The following HAVCR2 variants were observed in gnomAD, a reference collection of about 807,000 sequenced individuals.
HAVCR2 encodes hepatitis A virus cellular receptor 2.
In HAVCR2, 13 loss-of-function variants were observed where a neutral mutation model predicts 24.7. The ratio of observed to expected loss-of-function variants is 0.53; its 90% CI spans 0.34 to 0.84. The LOEUF is 0.84. Among genes scored for constraint, HAVCR2 ranks in the 40% least tolerant of loss-of-function variants. The pLI is 0.01. For missense variants in HAVCR2, 343 were observed against 371.2 expected (o/e 0.92, Z 0.62); for synonymous variants, 154 against 143.4 (o/e 1.07, Z -0.53).
At position 157,086,785 on chromosome 5, in the gene HAVCR2, T is replaced by G. The variant is rs1756919459; in HGVS notation, c.*317A>C. ...TATCTGAAGTTTCATGGACATATGA[T>G]GTGCCCGAATTTCCTGGAGCTCCAG... On this transcript the variant is annotated 3_prime_UTR_variant, in exon 7 of 7. Transcript: ENST00000307851. 1 of 265,526 alleles carries G rather than the reference T, an allele frequency of 3.8e-6. No homozygotes were observed. The highest frequency in any genetic ancestry group is 7.0e-6 in the Non-Finnish European group (1 of 142,684). 16.4% of individuals were successfully genotyped at this position (265,526 alleles called of 1,614,324 possible). A position where few individuals can be genotyped will look rare whatever the true frequency, so the allele number is the denominator to read the frequency against.
intron 3 of HAVCR2, among the ~76,000 whole-genome samples, chr5:157,100,006 T>G (rs1273537392): frequency 6.6e-6 from 1 of 152,144 alleles, no homozygotes; most frequent in African/African-American, 2.4e-5. Context: ...CAGCCTCCAT[T>G]TTCTTAAATA....
intron 6 of HAVCR2, among the ~76,000 whole-genome samples, chr5:157,087,845 G>A (rs975778883): frequency 1.8e-4 from 27 of 150,768 alleles, no homozygotes; most frequent in Middle Eastern, 3.4e-3. Flanking sequence ...AGAGGTTATA[G>A]TGAGCCGAGG....
chr5:157,103,395 T>C (rs1757199300), intron 3 of HAVCR2, among the ~76,000 whole-genome samples: 1 of 150,104 alleles, frequency 6.7e-6, no homozygotes, highest in African/African-American at 2.4e-5. Context: ...AAAAAAGTAC[T>C]GAAGCACAGG....
At chr5:157,105,426 T>C (rs532427287) in intron 2 of HAVCR2, among the ~76,000 whole-genome samples, 1 of 152,304 alleles carries the variant, frequency 6.6e-6, no homozygotes, top group East Asian at 1.9e-4. Context: ...GCTTTTCCTT[T>C]GAATGTCATG....
chr5:157,087,642 A>G (rs535077900), intron 6 of HAVCR2, among the ~76,000 whole-genome samples: 297 of 152,226 alleles, frequency 2.0e-3, no homozygotes, highest in African/African-American at 6.8e-3. Flanking sequence ...GCCGTGGCTC[A>G]CGCCTGTAAT....
chr5:157,103,947 C>T (rs949705780), intron 3 of HAVCR2, among the ~76,000 whole-genome samples: 1 of 152,052 alleles, frequency 6.6e-6, no homozygotes, highest in Non-Finnish European at 1.5e-5. Flanking sequence ...TTGGGATAAA[C>T]GTTTTAGACA....
rs1756922585 is a variant in HAVCR2, at chr5:157,087,023, C to T, written c.*79G>A. On this transcript the variant is annotated 3_prime_UTR_variant, in exon 7 of 7. Coordinates refer to ENST00000307851, the MANE Select transcript of HAVCR2 (RefSeq NM_032782.5). ...TCTGCTCCATAGCAGTGGACAGAAC[C>T]TCCAAAACCAGTCAGGTGACACAGC... The T allele has an allele frequency of 3.0e-6, 4 of 1,329,318 alleles. No homozygotes were observed. The highest frequency in any genetic ancestry group is 2.9e-5 in the African/African-American group (2 of 67,926). The allele number at this position is 1,329,318 out of a possible 1,614,324, so 82.3% of individuals were successfully genotyped here.
At chr5:157,093,953 T>G (rs1231760400) in intron 5 of HAVCR2, among the ~76,000 whole-genome samples, 4 of 151,926 alleles carry the variant, frequency 2.6e-5, no homozygotes, top group African/African-American at 4.8e-5. Context: ...TGCGAGGTTT[T>G]GGGGGTACTG....
intron 3 of HAVCR2, among the ~76,000 whole-genome samples, chr5:157,100,233 G>A (rs1757149700): frequency 6.6e-6 from 1 of 152,148 alleles, no homozygotes; most frequent in Admixed American, 6.5e-5. Context: ...GAAAATTAGG[G>A]AAGTGAAGTG....
intron 5 of HAVCR2, among the ~76,000 whole-genome samples, chr5:157,094,650 T>C (rs1757065996): frequency 6.6e-6 from 1 of 151,884 alleles, no homozygotes; most frequent in Non-Finnish European, 1.5e-5. Flanking sequence ...CCCAAAGTGC[T>C]GGGATTACAG....
chr5:157,086,894 A>G lies in HAVCR2; in HGVS notation c.*208T>C. 1.9e-6 allele frequency: 1 copy of G among 527,190 alleles called. No homozygotes were observed. Among genetic ancestry groups the G allele is most frequent in the Non-Finnish European group, 3.3e-6 (1 of 303,048 alleles). The allele number at this position is 527,190 out of a possible 1,614,324, so 32.7% of individuals were successfully genotyped here. On this transcript the variant is annotated 3_prime_UTR_variant, in exon 7 of 7. Transcript: ENST00000307851. ...TGATTAACAGTCTCTGGGTTGGGTAACTCTGTTGGCTTAAATACAGAGGCA... is the reference window on the plus strand; with the variant it reads ...TGATTAACAGTCTCTGGGTTGGGTAGCTCTGTTGGCTTAAATACAGAGGCA...
chr5:157,087,136 G>A lies in HAVCR2; in HGVS notation c.872C>T (p.Ser291Leu). 1 of 1,614,028 alleles carries A rather than the reference G, an allele frequency of 6.2e-7. No homozygotes were observed. The highest frequency in any genetic ancestry group is 2.2e-5 in the East Asian group (1 of 44,878). ...TGCAAAGCGACAACCCAAAGGTTGT[G>A]AGGGTTGCTGCCTGCTGCTGACATA... is the stretch of plus-strand genomic sequence containing the variant. Reference protein sequence around the residue: ...YCYVSSRQQPSQPLGCRFAMP With the variant: ...YCYVSSRQQPLQPLGCRFAMP Residue 291 changes from serine to leucine, a missense_variant, in exon 7 of 7, where the codon TCA becomes TTA. Coordinates refer to ENST00000307851, the MANE Select transcript of HAVCR2 (RefSeq NM_032782.5).
At chr5:157,105,833 C>T (rs952563798) in intron 2 of HAVCR2, among the ~76,000 whole-genome samples, 16 of 152,218 alleles carry the variant, frequency 1.1e-4, no homozygotes, top group Admixed American at 3.3e-4. Flanking sequence ...TAGCATCTAC[C>T]TCCAGAGATG....
chr5:157,108,087 A>G (rs572528755), intron 1 of HAVCR2, among the ~76,000 whole-genome samples: 3 of 152,182 alleles, frequency 2.0e-5, no homozygotes, highest in Non-Finnish European at 2.9e-5. Flanking sequence ...TATTTTATAT[A>G]TGATAAAACA....
rs375741207 is a variant in HAVCR2, at chr5:157,108,916, C to T, written c.58+10G>A. 28 of 1,613,068 alleles carry T rather than the reference C, an allele frequency of 1.7e-5. No homozygotes were observed. Among genetic ancestry groups the T allele is most frequent in the South Asian group, 3.3e-5 (3 of 91,028 alleles). ...ATTATGTCATTGTAAATATCCATGC[C>T]GAGACTTACTTGTAAGTAGTAGCAG... On this transcript the variant is annotated intron_variant, in intron 1 of 6. Transcript: ENST00000307851.
intron 4 of HAVCR2, among the ~76,000 whole-genome samples, chr5:157,096,317 A>G (rs752273613): frequency 6.6e-6 from 1 of 152,152 alleles, no homozygotes; most frequent in Non-Finnish European, 1.5e-5. Flanking sequence ...AGTGAGAGAA[A>G]ATATAAAATG....
chr5:157,087,314 C>T lies in HAVCR2; in HGVS notation c.714-20G>A, dbSNP rs114380669. 1,247 of 1,589,004 alleles carry T rather than the reference C, an allele frequency of 7.8e-4. 5 individuals are homozygous for T. The African/African-American group carries it at 0.015, about 19-fold the overall frequency. ...ATGAGGCTGTGGAAATAAAGTGTTGCGGTTGAGTTAAGCATTTCCCAGGTA... is the reference window on the plus strand; with the variant it reads ...ATGAGGCTGTGGAAATAAAGTGTTGTGGTTGAGTTAAGCATTTCCCAGGTA... On this transcript the variant is annotated intron_variant, in intron 6 of 6. Coordinates refer to ENST00000307851, the MANE Select transcript of HAVCR2 (RefSeq NM_032782.5).
At chr5:157,100,090 A>G (rs1363074350) in intron 3 of HAVCR2, among the ~76,000 whole-genome samples, 3 of 152,228 alleles carry the variant, frequency 2.0e-5, no homozygotes, top group Non-Finnish European at 4.4e-5. Context: ...TCACAATGTA[A>G]TAGGAGCCAG....
chr5:157,091,756 C>T (rs868236076), intron 5 of HAVCR2, among the ~76,000 whole-genome samples: 14 of 152,222 alleles, frequency 9.2e-5, no homozygotes, highest in South Asian at 6.2e-4. Context: ...GAAGTCTTGG[C>T]CTAGGCAATG....
Sources: allele counts gnomAD v4.1 joint callset (sites outside exome capture counted in the v4.1 genomes callset), GRCh38; gene constraint gnomAD v4.1.1; transcripts MANE v1.5; gene names NCBI Gene and HGNC (gene_info 2026-07-23, HGNC 2026-07-21).